Variants in DEF6 observed in about 807,000 individuals in gnomAD.
DEF6 encodes DEF6 guanine nucleotide exchange factor.
Under a neutral mutation model 80.5 loss-of-function variants are expected in DEF6, and 32 were observed. That is an observed-to-expected ratio of 0.40 (90% CI 0.30 to 0.53). DEF6 has a LOEUF of 0.53. Among genes scored for constraint, DEF6 ranks in the 20% least tolerant of loss-of-function variants. The pLI is 0.57. For synonymous variants in DEF6, 300 were observed against 337.9 expected, an observed-to-expected ratio of 0.89 and a Z score of 1.23; for missense variants, 575 against 818.7, an observed-to-expected ratio of 0.70 and a Z score of 3.63.
intron 3 of DEF6, among the ~76,000 whole-genome samples, chr6:35,311,933 CT>C (rs543448758): frequency 6.6e-6 from 1 of 152,042 alleles, no homozygotes; most frequent in African/African-American, 2.4e-5. Flanking sequence ...CCCCTTTGGG[CT>C]TTTTTTTGGT....
chr6:35,320,118 G>C, intron 9 of DEF6, 101 bp downstream of exon 9: 1 of 1,208,254 alleles, frequency 8.3e-7, no homozygotes, highest in South Asian at 1.5e-5. Context: ...GGCCCTAGCA[G>C]CTGCTGGCTG....
chr6:35,318,497 A>G lies in DEF6; in HGVS notation c.1215+26A>G. The G allele has an allele frequency of 2.2e-6, 3 of 1,373,728 alleles. No homozygotes were observed. Among genetic ancestry groups the G allele is most frequent in the Non-Finnish European group, 2.8e-6 (3 of 1,072,204 alleles). 85.1% of individuals were successfully genotyped at this position (1,373,728 alleles called of 1,614,324 possible). A position where few individuals can be genotyped will look rare whatever the true frequency, so the allele number is the denominator to read the frequency against. ...GTGGGGTTAGCTCCCGGCGCCGGGG[A>G]CGGGACCGGTGGGCTGGGAGGCTGG... On this transcript the variant is annotated intron_variant, in intron 7 of 10. Transcript: ENST00000316637. The surrounding 1 kb of genome is among the most constrained non-coding windows in gnomAD (Gnocchi z 5.1).
Position 35,297,833 on chromosome 6 carries a change from C to G in DEF6, c.-24C>G, listed in dbSNP as rs754344056. The G allele has an allele frequency of 6.4e-6, 10 of 1,572,132 alleles. No individual in the cohort carries two copies. Among genetic ancestry groups the G allele is most frequent in the Middle Eastern group, 1.7e-4 (1 of 6,022 alleles). On this transcript the variant is annotated 5_prime_UTR_variant, in exon 1 of 11. Transcript: ENST00000316637. ...ACCGGATCTTAGTGTCAGAGCCGCC[C>G]CCAGCCGGGCGGGCGCCTCAGCCAT...
In DEF6 at chr6:35,318,132, G is replaced by C; in HGVS notation, c.917-41G>C. 6 of 1,533,330 alleles carry C rather than the reference G, an allele frequency of 3.9e-6. No homozygotes were observed. The highest frequency in any genetic ancestry group is 5.3e-6 in the Non-Finnish European group (6 of 1,141,692). 95.0% of individuals were successfully genotyped at this position (1,533,330 alleles called of 1,614,324 possible). Reference sequence around the variant, plus strand: ...AAACTCCTAAGGCCCCTTTCGGGCCGTGTGCGAGGATCCTACTGACCCGCT... The same window carrying C: ...AAACTCCTAAGGCCCCTTTCGGGCCCTGTGCGAGGATCCTACTGACCCGCT... On this transcript the variant is annotated intron_variant, in intron 6 of 10. Transcript: ENST00000316637. This position sits in a 1 kb window ranked among gnomAD's most constrained non-coding sequence, Gnocchi z 5.1.
In DEF6 at chr6:35,321,251, C is replaced by T. The variant is rs777333545; in HGVS notation, c.1737C>T (p.Asp579=). The T allele has an allele frequency of 1.9e-6, 3 of 1,613,792 alleles. No individual in the cohort carries two copies. The highest frequency in any genetic ancestry group is 1.7e-5 in the Admixed American group (1 of 60,020). ...GFQPPLLAHR[D]SSLKRLTRWG... ...AGCCCCCTCTGCTTGCCCACCGTGA[C>T]TCCTCCCTAAAGCGCCTGACCCGCT... is the stretch of plus-strand genomic sequence containing the variant. The change falls in exon 11 of 11, where the codon GAC becomes GAT. Residue 579 remains aspartate (D), a synonymous_variant. Transcript: ENST00000316637.
At position 35,312,238 on chromosome 6, in the gene DEF6, C is replaced by G; in HGVS notation, c.424-64C>G. 1 of 1,412,992 alleles carries G rather than the reference C, an allele frequency of 7.1e-7. No homozygotes were observed. Among genetic ancestry groups the G allele is most frequent in the African/African-American group, 1.4e-5 (1 of 71,224 alleles). The allele number at this position is 1,412,992 out of a possible 1,614,324, so 87.5% of individuals were successfully genotyped here. On this transcript the variant is annotated intron_variant, in intron 3 of 10. Coordinates refer to ENST00000316637, the MANE Select transcript of DEF6 (RefSeq NM_022047.4). The surrounding 1 kb of genome is among the most constrained non-coding windows in gnomAD (Gnocchi z 6.6). ...GGCTCTGGGAGCCAGATAGAGCACT[C>G]CCTGGTGTTGGTGCTGGCAACACCA... is the stretch of plus-strand genomic sequence containing the variant.
chr6:35,312,231 G>A lies in DEF6; in HGVS notation c.424-71G>A. ...CTGCCCAGGCTCTGGGAGCCAGATA[G>A]AGCACTCCCTGGTGTTGGTGCTGGC... is the stretch of plus-strand genomic sequence containing the variant. On this transcript the variant is annotated intron_variant, in intron 3 of 10. Transcript: ENST00000316637. The surrounding 1 kb of genome is among the most constrained non-coding windows in gnomAD (Gnocchi z 6.6). The A allele has an allele frequency of 2.9e-6, 4 of 1,362,228 alleles. No homozygotes were observed. Among genetic ancestry groups the A allele is most frequent in the South Asian group, 2.5e-5 (2 of 79,720 alleles). 84.4% of individuals were successfully genotyped at this position (1,362,228 alleles called of 1,614,324 possible). A position where few individuals can be genotyped will look rare whatever the true frequency, so the allele number is the denominator to read the frequency against.
At chr6:35,320,612 A>C (rs1254298532) in intron 9 of DEF6, among the ~76,000 whole-genome samples, 2 of 152,236 alleles carry the variant, frequency 1.3e-5, no homozygotes, top group Non-Finnish European at 2.9e-5. Context: ...TAAATAAGAT[A>C]ATAAATATGC....
chr6:35,317,979 A>C lies in DEF6; in HGVS notation c.896A>C (p.Gln299Pro). 1 of 1,613,732 alleles carries C rather than the reference A, an allele frequency of 6.2e-7. No individual in the cohort carries two copies. The highest frequency in any genetic ancestry group is 8.5e-7 in the Non-Finnish European group (1 of 1,179,858). ...GAGATGAGCGCCTCAGACACGCGCC[A>C]GCGCCAGGAGTGGACAGCTGGTGAG... Reference protein sequence around the residue: ...TYEMSASDTRQRQEWTAAIQM... With the variant: ...TYEMSASDTRPRQEWTAAIQM... The change falls in exon 6 of 11, where the codon CAG becomes CCG. Residue 299 changes from glutamine (Q) to proline (P), a missense_variant. Transcript: ENST00000316637.
At position 35,312,921 on chromosome 6, in the gene DEF6, G is replaced by A; in HGVS notation, c.807+149G>A. The A allele has an allele frequency of 1.1e-6, 1 of 887,354 alleles. No homozygotes were observed. The highest frequency in any genetic ancestry group is 1.7e-6 in the Non-Finnish European group (1 of 593,394). The allele number at this position is 887,354 out of a possible 1,614,324, so 55.0% of individuals were successfully genotyped here. A position where few individuals can be genotyped will look rare whatever the true frequency, so the allele number is the denominator to read the frequency against. ...AGATTAGTGTGACCCAAATATATCC[G>A]GATGCCTCAAGGCCATTCTCATCCA... On this transcript the variant is annotated intron_variant, in intron 5 of 10. Coordinates refer to ENST00000316637, the MANE Select transcript of DEF6 (RefSeq NM_022047.4). This position sits in a 1 kb window ranked among gnomAD's most constrained non-coding sequence, Gnocchi z 6.6.
At position 35,319,727 on chromosome 6, in the gene DEF6, C is replaced by A. The variant is rs769428349; in HGVS notation, c.1382+37C>A. 3.2e-5 allele frequency: 52 copies of A among 1,607,666 alleles called. No homozygotes were observed. In the Middle Eastern group the frequency reaches 5.0e-4, roughly 15 times the overall value. ...GAACCTCTTCTGGTTCTCTCACCAC[C>A]CCTCCTGGAACACACCCCAGTTTTC... On this transcript the variant is annotated intron_variant, in intron 8 of 10. Coordinates refer to ENST00000316637, the MANE Select transcript of DEF6 (RefSeq NM_022047.4). This position sits in a 1 kb window ranked among gnomAD's most constrained non-coding sequence, Gnocchi z 4.5.
chr6:35,321,293 C>T lies in DEF6; in HGVS notation c.1779C>T (p.Asn593=), dbSNP rs1182480114. 5 of 1,614,102 alleles carry T rather than the reference C, an allele frequency of 3.1e-6. No homozygotes were observed. Among genetic ancestry groups the T allele is most frequent in the South Asian group, 1.1e-5 (1 of 91,070 alleles). The stretch of plus-strand genomic sequence containing the variant: ...TGACCCGCTGGGGATCCCAGGGCAA[C>T]AGGACCCCCTCGCCCAACAGCAATG... ...KRLTRWGSQG[N]RTPSPNSNEQ... is the part of the protein sequence containing the mutation. Residue 593 remains asparagine, a synonymous_variant, in exon 11 of 11, where the codon AAC becomes AAT. Coordinates refer to ENST00000316637, the MANE Select transcript of DEF6 (RefSeq NM_022047.4).
chr6:35,314,844 C>T (rs1205464985), intron 5 of DEF6, among the ~76,000 whole-genome samples: 2 of 152,176 alleles, frequency 1.3e-5, no homozygotes, highest in Non-Finnish European at 2.9e-5. Flanking sequence ...TCTCTTTGCC[C>T]AGACCAATGT....
Position 35,319,559 on chromosome 6 carries a change from G to A in DEF6, c.1251G>A (p.Lys417=). The A allele has an allele frequency of 2.5e-6, 4 of 1,613,746 alleles. No individual in the cohort carries two copies. Among genetic ancestry groups the A allele is most frequent in the Non-Finnish European group, 3.4e-6 (4 of 1,179,880 alleles). ...RASMQAEMEL[K]EEEAARQRQR... is the part of the protein sequence containing the mutation. Reference sequence around the variant, plus strand: ...CCATGCAGGCTGAGATGGAGCTGAAGGAGGAGGAGGCTGCCCGGCAGCGGC... The same window carrying A: ...CCATGCAGGCTGAGATGGAGCTGAAAGAGGAGGAGGCTGCCCGGCAGCGGC... The change falls in exon 8 of 11, where the codon AAG becomes AAA. Residue 417 remains lysine, a synonymous_variant. Transcript: ENST00000316637. This position sits in a 1 kb window ranked among gnomAD's most constrained non-coding sequence, Gnocchi z 4.5.
chr6:35,298,080 T>TCGGGGGGCTGGTCCTGGGTAACGGGA, intron 1 of DEF6, 128 bp downstream of exon 1: 1 of 847,342 alleles, frequency 1.2e-6, no homozygotes, highest in Non-Finnish European at 1.9e-6. Context: ...GGGCCTGGGG[T>TCGGGGGGCTGGTCCTGGGTAACGGGA]CGGGGGGCTG....
chr6:35,318,492 CG>C lies in DEF6; in HGVS notation c.1215+25del, dbSNP rs745767273. ...AGCAGGTGGGGTTAGCTCCCGGCGC[CG>C]GGGACGGGACCGGTGGGCTGGGAGG... is the stretch of plus-strand genomic sequence containing the variant. On this transcript the variant is annotated intron_variant, in intron 7 of 10. Transcript: ENST00000316637. This position sits in a 1 kb window ranked among gnomAD's most constrained non-coding sequence, Gnocchi z 5.1. 1.5e-4 allele frequency: 200 copies of C among 1,375,450 alleles called. 1 individual carries two copies. The South Asian group carries it at 2.3e-3, about 16-fold the overall frequency. The allele number at this position is 1,375,450 out of a possible 1,614,324, so 85.2% of individuals were successfully genotyped here. A position where few individuals can be genotyped will look rare whatever the true frequency, so the allele number is the denominator to read the frequency against.
At chr6:35,314,809 T>A (rs1791506469) in intron 5 of DEF6, among the ~76,000 whole-genome samples, 2 of 118,276 alleles carry the variant, frequency 1.7e-5, no homozygotes, top group Non-Finnish European at 3.8e-5. Flanking sequence ...TGGTTGCCTA[T>A]GCTTTTGAGG....
chr6:35,314,440 T>G (rs1366359983), intron 5 of DEF6, among the ~76,000 whole-genome samples: 1 of 151,910 alleles, frequency 6.6e-6, no homozygotes, highest in Non-Finnish European at 1.5e-5. Flanking sequence ...TGTTCTCTAT[T>G]TTTTTTGTAA....
At chr6:35,314,872 A>G (rs1208035872) in intron 5 of DEF6, among the ~76,000 whole-genome samples, 1 of 152,174 alleles carries the variant, frequency 6.6e-6, no homozygotes, top group Non-Finnish European at 1.5e-5. Context: ...TATTTCTCCA[A>G]TGTTTTCTTC....
Sources: allele counts gnomAD v4.1 joint callset (sites outside exome capture counted in the v4.1 genomes callset), GRCh38; gene constraint gnomAD v4.1.1; non-coding constraint Gnocchi (gnomAD v3.1); transcripts MANE v1.5; gene names NCBI Gene and HGNC (gene_info 2026-07-23, HGNC 2026-07-21).